The following CTNND2 variants were observed in gnomAD, a reference collection of about 807,000 sequenced individuals.
The protein encoded by CTNND2 is catenin delta 2.
A neutral mutation model predicts 144.4 loss-of-function variants in CTNND2; 22 were observed. That is an observed-to-expected ratio of 0.15 (90% confidence interval 0.11 to 0.22). The LOEUF is 0.22. Among genes scored for constraint, CTNND2 ranks in the 10% least tolerant of loss-of-function variants. The pLI, the probability that CTNND2 is intolerant of heterozygous loss-of-function variation, is 1.00. For synonymous variants in CTNND2, 751 were observed against 695.6 expected (o/e 1.08, Z -1.25); for missense variants, 1,353 against 1,618.8 (o/e 0.84, Z 2.82).
intron 11 of CTNND2, among the ~76,000 whole-genome samples, chr5:11,183,782 C>T (rs1271705716): frequency 6.6e-6 from 1 of 151,992 alleles, no homozygotes. Context: ...TGGTCTCGAA[C>T]CCCTGACCTC....
chr5:11,636,327 C>T (rs1474283470), intron 2 of CTNND2, among the ~76,000 whole-genome samples: 1 of 152,118 alleles, frequency 6.6e-6, no homozygotes, highest in Non-Finnish European at 1.5e-5. Flanking sequence ...TCTTCTCTTT[C>T]CTCTCATTCC....
chr5:11,179,735 T>G, intron 11 of CTNND2, among the ~76,000 whole-genome samples: 1 of 152,168 alleles, frequency 6.6e-6, no homozygotes, highest in Non-Finnish European at 1.5e-5. Context: ...ACTCTCAGAA[T>G]AGATAACCCT....
intron 18 of CTNND2, among the ~76,000 whole-genome samples, chr5:10,998,369 G>C (rs1432531224): frequency 6.6e-6 from 1 of 152,154 alleles, no homozygotes; most frequent in African/African-American, 2.4e-5. Context: ...ATGGGGCAGA[G>C]TAAACACCCA....
At chr5:11,595,834 C>G (rs1398949531) in intron 2 of CTNND2, among the ~76,000 whole-genome samples, 1 of 152,118 alleles carries the variant, frequency 6.6e-6, no homozygotes, top group Admixed American at 6.6e-5. Flanking sequence ...ACTTAGAACA[C>G]ACTTTTTAAA....
chr5:11,232,812 G>A (rs1454933412), intron 10 of CTNND2, among the ~76,000 whole-genome samples: 1 of 152,134 alleles, frequency 6.6e-6, no homozygotes, highest in Non-Finnish European at 1.5e-5. Flanking sequence ...ATATCGTTTG[G>A]CTCTGTGTCC....
At position 11,516,425 on chromosome 5, in the gene CTNND2, ATC is replaced by A. The variant is rs528715794; in HGVS notation, c.287+48517_287+48518del. Reference sequence around the variant, plus strand: ...ACAACCTCCATTTGCAGAAGATATGATCTTACATATAGAAACTGCTGAGAATT... The same window carrying A: ...ACAACCTCCATTTGCAGAAGATATGATTACATATAGAAACTGCTGAGAATT... On this transcript the variant is annotated intron_variant, in intron 3 of 21. Coordinates refer to ENST00000304623, the MANE Select transcript of CTNND2 (RefSeq NM_001332.4). Among the ~76,000 whole-genome samples, 850 of 152,234 alleles carry A rather than the reference ATC, an allele frequency of 5.6e-3. 8 individuals are homozygous for A. Among genetic ancestry groups the A allele is most frequent in the African/African-American group, 0.019 (803 of 41,566 alleles).
intron 11 of CTNND2, among the ~76,000 whole-genome samples, chr5:11,167,292 A>AT (rs1170091366): frequency 6.6e-6 from 1 of 152,194 alleles, no homozygotes; most frequent in Non-Finnish European, 1.5e-5. Flanking sequence ...CAAATACAGA[A>AT]TTTTTTAAAC....
At chr5:11,015,606 G>A (rs1475412898) in intron 18 of CTNND2, among the ~76,000 whole-genome samples, 2 of 152,190 alleles carry the variant, frequency 1.3e-5, no homozygotes, top group Non-Finnish European at 2.9e-5. Context: ...TAAGATGGAA[G>A]ACTCATATGA....
In CTNND2 at chr5:11,851,737, C is replaced by T. The variant is rs77443477; in HGVS notation, c.37+52080G>A. 2.7e-3 allele frequency among the ~76,000 whole-genome samples: 416 copies of T among 152,300 alleles called. 1 individual carries two copies. Among genetic ancestry groups the T allele is most frequent in the Admixed American group, 7.5e-3 (114 of 15,298 alleles). ...GTCTCCACATTGGCAATGGCCAATT[C>T]CATTTGTGATTTTGGTAAACACAGT... On this transcript the variant is annotated intron_variant, in intron 1 of 21. Transcript: ENST00000304623.
At chr5:11,634,129 C>A (rs987178151) in intron 2 of CTNND2, among the ~76,000 whole-genome samples, 10 of 152,168 alleles carry the variant, frequency 6.6e-5, no homozygotes, top group Non-Finnish European at 1.3e-4. Context: ...CATTTGGCCA[C>A]AATCAGTCAA....
rs1218639678 is a variant in CTNND2, at chr5:11,229,780, ACT to A, written c.1761+6909_1761+6910del. On this transcript the variant is annotated intron_variant, in intron 10 of 21. Transcript: ENST00000304623. ...TACTGTATAACTGCTTTCATGTATA[ACT>A]CTTTTTGTATAACTGTGTACATACA... Among the ~76,000 whole-genome samples, 3 of 151,040 alleles carry A rather than the reference ACT, an allele frequency of 2.0e-5. No homozygotes were observed. The Admixed American group carries it at 2.0e-4, about 10-fold the overall frequency.
intron 8 of CTNND2, among the ~76,000 whole-genome samples, chr5:11,360,392 T>A (rs755221866): frequency 1.3e-5 from 2 of 152,154 alleles, no homozygotes; most frequent in South Asian, 2.1e-4. Flanking sequence ...CTCTTACTCA[T>A]GTTAGCCTTA....
chr5:11,402,518 A>C (rs1760725060), intron 5 of CTNND2, among the ~76,000 whole-genome samples: 1 of 152,234 alleles, frequency 6.6e-6, no homozygotes, highest in Non-Finnish European at 1.5e-5. Context: ...CAGCAGTTTC[A>C]CCTTTATGGG....
chr5:11,772,396 T>C (rs997909534), intron 1 of CTNND2, among the ~76,000 whole-genome samples: 1 of 152,180 alleles, frequency 6.6e-6, no homozygotes, highest in Non-Finnish European at 1.5e-5. Context: ...AACAATAATA[T>C]GAAATTTAGA....
At chr5:11,276,518 T>G (rs1363839386) in intron 9 of CTNND2, among the ~76,000 whole-genome samples, 1 of 152,190 alleles carries the variant, frequency 6.6e-6, no homozygotes, top group Non-Finnish European at 1.5e-5. Flanking sequence ...TTCTCTTCTT[T>G]ACCTTCACTC....
At chr5:11,291,237 G>A (rs1374382587) in intron 9 of CTNND2, among the ~76,000 whole-genome samples, 1 of 151,980 alleles carries the variant, frequency 6.6e-6, no homozygotes, top group Non-Finnish European at 1.5e-5. Flanking sequence ...ATTTTCCTTC[G>A]AATGTCTCTT....
intron 12 of CTNND2, among the ~76,000 whole-genome samples, chr5:11,157,020 T>C (rs989282221): frequency 1.3e-5 from 2 of 152,124 alleles, no homozygotes; most frequent in African/African-American, 4.8e-5. Flanking sequence ...TTGAATTTCC[T>C]CTCTGTGTGA....
At chr5:11,649,638 G>C (rs1561657178) in intron 2 of CTNND2, among the ~76,000 whole-genome samples, 1 of 152,170 alleles carries the variant, frequency 6.6e-6, no homozygotes, top group Non-Finnish European at 1.5e-5. Context: ...CTCTTGATGA[G>C]ATTGGGATAG....
intron 14 of CTNND2, among the ~76,000 whole-genome samples, chr5:11,106,670 C>T (rs974359): frequency 0.16 from 24,523 of 152,168 alleles, 2,994 homozygotes; most frequent in East Asian, 0.41. Flanking sequence ...CTCCTCCTCA[C>T]AAGGAGAGCC....
Sources: gnomAD v4.1 joint callset for allele counts (sites outside exome capture counted in the v4.1 genomes callset) on GRCh38, gnomAD v4.1.1 for gene constraint, MANE v1.5 for transcripts, NCBI Gene and HGNC (gene_info 2026-07-23, HGNC 2026-07-21) for gene names.